The following SCMH1 variants were observed in gnomAD, a reference collection of about 807,000 sequenced individuals.
SCMH1 encodes Scm polycomb group protein homolog 1, also known as polycomb protein SCMH1.
Under a neutral mutation model 70.8 loss-of-function variants are expected in SCMH1, and 37 were observed. That is an observed-to-expected ratio of 0.52 (90% CI 0.40 to 0.69). SCMH1 has a LOEUF of 0.69. Ranked by LOEUF, SCMH1 falls within the 30% of genes least tolerant of loss-of-function variation. SCMH1 has a pLI of 0.00. For missense variants in SCMH1, 607 were observed against 827.3 expected, an observed-to-expected ratio of 0.73 and a Z score of 3.27; for synonymous variants, 292 against 307.4, an observed-to-expected ratio of 0.95 and a Z score of 0.52.
intron 2 of SCMH1, among the ~76,000 whole-genome samples, chr1:41,165,137 T>A (rs887517050): frequency 6.6e-6 from 1 of 152,178 alleles, no homozygotes; most frequent in Non-Finnish European, 1.5e-5. Flanking sequence ...TGTGAGATTA[T>A]ATGATATTTG....
chr1:41,157,135 G>A (rs1168530603), intron 4 of SCMH1, among the ~76,000 whole-genome samples: 1 of 151,774 alleles, frequency 6.6e-6, no homozygotes, highest in Non-Finnish European at 1.5e-5. Flanking sequence ...TTTCTTTGTA[G>A]TAGAGACAAG....
chr1:41,058,129 A>G (rs1651131351), intron 10 of SCMH1, among the ~76,000 whole-genome samples: 1 of 150,040 alleles, frequency 6.7e-6, no homozygotes, highest in African/African-American at 2.4e-5. Flanking sequence ...AAAAAAAAAA[A>G]AAAAAAGAAA....
chr1:41,120,980 T>C (rs929637379), intron 6 of SCMH1, among the ~76,000 whole-genome samples: 1 of 152,234 alleles, frequency 6.6e-6, no homozygotes, highest in Non-Finnish European at 1.5e-5. Context: ...GGATCACTAC[T>C]ACTATTCTGA....
chr1:41,181,026 C>T (rs981724077), intron 2 of SCMH1, among the ~76,000 whole-genome samples: 2 of 152,068 alleles, frequency 1.3e-5, no homozygotes, highest in Non-Finnish European at 1.5e-5. Context: ...CAGAATAGAG[C>T]CCTCAGAAAT....
intron 8 of SCMH1, among the ~76,000 whole-genome samples, chr1:41,096,199 AAC>A (rs1013335936): frequency 5.4e-4 from 82 of 152,344 alleles, no homozygotes; most frequent in African/African-American, 2.0e-3. Context: ...TGATTTACCC[AAC>A]ACAGTCTTAG....
rs897938596 is a variant in SCMH1, at chr1:41,134,392, C to T, written c.412+8486G>A. The stretch of plus-strand genomic sequence containing the variant: ...CTGGCACAAGACAAGGATGCCCTCT[C>T]TCACCACTCCTATTCAACGTAGTAT... On this transcript the variant is annotated intron_variant, in intron 6 of 14. Coordinates refer to ENST00000337495, the Ensembl canonical transcript of SCMH1. Among the ~76,000 whole-genome samples the T allele has an allele frequency of 2.0e-5, 3 of 152,326 alleles. No homozygotes were observed. The South Asian group carries it at 6.2e-4, about 32-fold the overall frequency.
chr1:41,187,877 C>T (rs1351660535), intron 1 of SCMH1, among the ~76,000 whole-genome samples: 18 of 151,380 alleles, frequency 1.2e-4, no homozygotes, highest in Admixed American at 1.2e-3. Context: ...GTTCCAGCTA[C>T]TTGGGAGGTT....
intron 1 of SCMH1, among the ~76,000 whole-genome samples, chr1:41,191,893 GA>G (rs764107266): frequency 1.2e-4 from 18 of 152,240 alleles, no homozygotes; most frequent in Admixed American, 2.6e-4. Context: ...ATACACTTGG[GA>G]TACTAAGGTG....
chr1:41,166,174 C>T (rs1451288539), intron 2 of SCMH1, among the ~76,000 whole-genome samples: 3 of 152,074 alleles, frequency 2.0e-5, no homozygotes, highest in Non-Finnish European at 2.9e-5. Flanking sequence ...TATTTCTGGG[C>T]TCTCTGTCCT....
Position 41,152,513 on chromosome 1 carries a change from T to G in SCMH1, c.107-829A>C, listed in dbSNP as rs578135913. Reference sequence around the variant, plus strand: ...GAAAACATCTTAAGGCAGGAACATTTGATACAGACCTCATTGGATCACTAA... The same window carrying G: ...GAAAACATCTTAAGGCAGGAACATTGGATACAGACCTCATTGGATCACTAA... On this transcript the variant is annotated intron_variant, in intron 4 of 14. Transcript: ENST00000337495. 11 of 1,406,268 alleles carry G rather than the reference T, an allele frequency of 7.8e-6. No individual in the cohort carries two copies. The East Asian group carries it at 2.5e-4, about 32-fold the overall frequency. The allele number at this position is 1,406,268 out of a possible 1,614,324, so 87.1% of individuals were successfully genotyped here.
intron 1 of SCMH1, among the ~76,000 whole-genome samples, chr1:41,205,214 G>T (rs1342981635): frequency 2.0e-5 from 3 of 152,200 alleles, no homozygotes; most frequent in Non-Finnish European, 4.4e-5. Context: ...ACAGCCCACG[G>T]AGGGCAAGCC....
At chr1:41,143,326 A>T (rs939924200) in intron 5 of SCMH1, among the ~76,000 whole-genome samples, 4 of 152,118 alleles carry the variant, frequency 2.6e-5, no homozygotes, top group Admixed American at 1.3e-4. Flanking sequence ...CATACCAGTT[A>T]AAAAAAGGAC....
chr1:41,051,836 T>TA (rs542982478), intron 10 of SCMH1, among the ~76,000 whole-genome samples: 91 of 151,766 alleles, frequency 6.0e-4, no homozygotes, highest in Non-Finnish European at 6.3e-4. Context: ...TGAAGAAAAT[T>TA]AAAAAAAAAT....
intron 8 of SCMH1, among the ~76,000 whole-genome samples, chr1:41,083,757 G>A (rs1571923556): frequency 6.6e-6 from 1 of 152,050 alleles, no homozygotes; most frequent in Non-Finnish European, 1.5e-5. Context: ...AAAACAGCAT[G>A]GTACTGGTAC....
intron 8 of SCMH1, among the ~76,000 whole-genome samples, chr1:41,100,844 G>A (rs1469598683): frequency 6.6e-6 from 1 of 152,098 alleles, no homozygotes; most frequent in Non-Finnish European, 1.5e-5. Flanking sequence ...GATTACAAGC[G>A]TGACCCACTG....
At chr1:41,060,526 A>C (rs976785025) in intron 10 of SCMH1, among the ~76,000 whole-genome samples, 4 of 152,176 alleles carry the variant, frequency 2.6e-5, no homozygotes, top group Non-Finnish European at 5.9e-5. Context: ...AAGAAACATT[A>C]AAAGAGGTTC....
chr1:41,218,187 G>A (rs910636003), intron 1 of SCMH1, among the ~76,000 whole-genome samples: 1 of 152,160 alleles, frequency 6.6e-6, no homozygotes, highest in Non-Finnish European at 1.5e-5. Context: ...TTGGGATGGG[G>A]TGGATATATT....
Position 41,113,433 on chromosome 1 carries a change from T to C in SCMH1, c.595A>G (p.Ile199Val). Residue 199 changes from isoleucine to valine, a missense_variant, in exon 8 of 15, where the codon ATT becomes GTT. Ile to Val is a conservative substitution (Grantham distance 29). Transcript: ENST00000337495. The surrounding 1 kb of genome is among the most constrained non-coding windows in gnomAD (Gnocchi z 4.3). ...ACCTCTGAGCCCCGAACCTCCCCAATAGTGGCTGGGCAAATGAAATGAGGG... is the reference window on the plus strand; with the variant it reads ...ACCTCTGAGCCCCGAACCTCCCCAACAGTGGCTGGGCAAATGAAATGAGGG... 3.1e-6 allele frequency: 5 copies of C among 1,613,902 alleles called. No individual in the cohort carries two copies. The highest frequency in any genetic ancestry group is 2.2e-5 in the South Asian group (2 of 91,066).
At chr1:41,156,779 G>C (rs1199430599) in intron 4 of SCMH1, among the ~76,000 whole-genome samples, 1 of 151,958 alleles carries the variant, frequency 6.6e-6, no homozygotes, top group Non-Finnish European at 1.5e-5. Flanking sequence ...AGCATGCATA[G>C]TTTAGATTTT....
Sources: gnomAD v4.1 joint callset for allele counts (sites outside exome capture counted in the v4.1 genomes callset) on GRCh38, gnomAD v4.1.1 for gene constraint, Gnocchi (gnomAD v3.1) non-coding constraint, MANE v1.5 for transcripts, NCBI Gene and HGNC (gene_info 2026-07-23, HGNC 2026-07-21) for gene names.